ZBP1: variants seen among roughly 807,000 people sequenced by gnomAD.
ZBP1 encodes Z-DNA binding protein 1.
ZBP1 carries 42 observed loss-of-function variants against 41.1 expected under a neutral mutation model. That is an observed-to-expected ratio of 1.02 (90% CI 0.80 to 1.32). The LOEUF is 1.32. Among genes scored for constraint, ZBP1 ranks in the 40% most tolerant of loss-of-function variants. The probability of loss-of-function intolerance (pLI) is 0.00; values close to 1 mark genes in which losing one functional copy is unlikely to be tolerated. For synonymous variants in ZBP1, 214 were observed against 205.2 expected (o/e 1.04, Z -0.37); for missense variants, 562 against 549.7 (o/e 1.02, Z -0.22).
intron 1 of ZBP1, among the ~76,000 whole-genome samples, chr20:57,619,999 G>A (rs2146605930): frequency 6.6e-6 from 1 of 152,274 alleles, no homozygotes; most frequent in South Asian, 2.1e-4. Context: ...ACCATGCCCG[G>A]TTAATTTTTG....
chr20:57,611,411 ATTTTTTT>A (rs3068061), intron 6 of ZBP1, among the ~76,000 whole-genome samples: 3 of 95,142 alleles, frequency 3.2e-5, no homozygotes, highest in Non-Finnish European at 3.9e-5. Flanking sequence ...TGCCCGGTTA[ATTTTTTT>A]TTTTTTTTTT....
At chr20:57,612,515 C>T (rs1220168808) in intron 5 of ZBP1, among the ~76,000 whole-genome samples, 1 of 152,098 alleles carries the variant, frequency 6.6e-6, no homozygotes, top group Non-Finnish European at 1.5e-5. Flanking sequence ...CTGAGGCTGA[C>T]AGTGGGGAAA....
Position 57,620,289 on chromosome 20 carries a change from G to T in ZBP1, c.7C>A (p.Gln3Lys). 1 of 1,597,556 alleles carries T rather than the reference G, an allele frequency of 6.3e-7. No individual in the cohort carries two copies. The highest frequency in any genetic ancestry group is 8.5e-7 in the Non-Finnish European group (1 of 1,171,722). MA[Q>K]APADPGREGH... ...TCTCTGCCCGGGTCAGCAGGAGCCT[G>T]GGCCATGCTGACAGCAGCTGCAAGG... The change falls in exon 1 of 8, where the codon CAG (glutamine) becomes AAG (lysine). Residue 3 changes from glutamine (Q) to lysine (K), a missense_variant. Gln to Lys is a moderately conservative substitution (Grantham distance 53). Coordinates refer to ENST00000371173, the MANE Select transcript of ZBP1 (RefSeq NM_030776.3).
chr20:57,609,450 T>A lies in ZBP1; in HGVS notation c.1093+699A>T, dbSNP rs571190493. Among the ~76,000 whole-genome samples, 14 of 152,202 alleles carry A rather than the reference T, an allele frequency of 9.2e-5. No homozygotes were observed. The East Asian group carries it at 2.3e-3, about 25-fold the overall frequency. ...CAGGCGGCACTTCCCAGACCCCCCG[T>A]GGCTAAGTGCAGGCCCTCAGAACAG... is the stretch of plus-strand genomic sequence containing the variant. On this transcript the variant is annotated intron_variant, in intron 7 of 7. Coordinates refer to ENST00000371173, the MANE Select transcript of ZBP1 (RefSeq NM_030776.3).
At chr20:57,606,656 G>C (rs2070505187) in intron 7 of ZBP1, among the ~76,000 whole-genome samples, 1 of 152,216 alleles carries the variant, frequency 6.6e-6, no homozygotes, top group Non-Finnish European at 1.5e-5. Context: ...TTCAGCTGAA[G>C]CCTCTCCTCA....
Position 57,612,058 on chromosome 20 carries a change from AGGCTCT to A in ZBP1, c.671-134_671-129del. 6 of 1,054,324 alleles carry A rather than the reference AGGCTCT, an allele frequency of 5.7e-6. 1 individual carries two copies. In the East Asian group the frequency reaches 1.6e-4, roughly 28 times the overall value. The allele number at this position is 1,054,324 out of a possible 1,614,324, so 65.3% of individuals were successfully genotyped here. On this transcript the variant is annotated intron_variant, in intron 5 of 7. Coordinates refer to ENST00000371173, the MANE Select transcript of ZBP1 (RefSeq NM_030776.3). ...CATCGAACTGGCGGCCAAAGACTTC[AGGCTCT>A]GGCTTAGAGAGCAAGAGGACCTGGC...
chr20:57,608,639 T>C (rs1038588706), intron 7 of ZBP1, among the ~76,000 whole-genome samples: 5 of 152,378 alleles, frequency 3.3e-5, no homozygotes, highest in African/African-American at 1.2e-4. Flanking sequence ...TGCTCCCAGA[T>C]GCTCATGGCC....
chr20:57,609,191 C>G (rs1420141360), intron 7 of ZBP1, among the ~76,000 whole-genome samples: 1 of 152,220 alleles, frequency 6.6e-6, no homozygotes, highest in African/African-American at 2.4e-5. Context: ...GTACACCTGC[C>G]CTGGCCCTCC....
At chr20:57,606,489 A>G (rs952525953) in intron 7 of ZBP1, among the ~76,000 whole-genome samples, 9 of 152,280 alleles carry the variant, frequency 5.9e-5, no homozygotes, top group Admixed American at 5.2e-4. Flanking sequence ...GAGCGTGACT[A>G]CACAACAGAG....
chr20:57,606,911 ATTT>A, intron 7 of ZBP1: 20 of 970,158 alleles, frequency 2.1e-5, no homozygotes, highest in Non-Finnish European at 2.6e-5. Flanking sequence ...CCAAAAAAAA[ATTT>A]TTTTTTTACT....
chr20:57,615,081 G>A (rs754801514), intron 3 of ZBP1, 21 bp from the exon 4 acceptor site: 13 of 1,613,888 alleles, frequency 8.1e-6, no homozygotes, highest in Non-Finnish European at 1.1e-5. Flanking sequence ...GGATGGCCAG[G>A]TGGTTAGGGA....
intron 2 of ZBP1, 36 bp from the exon 3 acceptor site, chr20:57,615,616 C>G (rs747450758): frequency 1.3e-6 from 2 of 1,587,824 alleles, no homozygotes; most frequent in South Asian, 1.1e-5. Flanking sequence ...GGGTGGGGGA[C>G]AGAAGACAGC....
Position 57,610,439 on chromosome 20 carries a change from C to T in ZBP1, c.875-72G>A. On this transcript the variant is annotated intron_variant, in intron 6 of 7. Coordinates refer to ENST00000371173, the MANE Select transcript of ZBP1 (RefSeq NM_030776.3). The surrounding 1 kb of genome is among the most constrained non-coding windows in gnomAD (Gnocchi z 5.5). ...GTGGCCGGGAACCCTGACCCCCAGC[C>T]TGGTTCACCCTCCTCCCCAGATCTC... 6.6e-7 allele frequency: 1 copy of T among 1,522,436 alleles called. No individual in the cohort carries two copies. The highest frequency in any genetic ancestry group is 9.1e-7 in the Non-Finnish European group (1 of 1,102,916). The allele number at this position is 1,522,436 out of a possible 1,614,324, so 94.3% of individuals were successfully genotyped here.
Position 57,613,202 on chromosome 20 carries a change from C to G in ZBP1, c.631G>C (p.Gly211Arg). 6.2e-7 allele frequency: 1 copy of G among 1,614,192 alleles called. No individual in the cohort carries two copies. Among genetic ancestry groups the G allele is most frequent in the Non-Finnish European group, 8.5e-7 (1 of 1,180,034 alleles). Residue 211 changes from glycine (G) to arginine (R), a missense_variant, in exon 5 of 8, where the codon GGG (glycine) becomes CGG (arginine). Gly to Arg is a moderately radical substitution (Grantham distance 125). Coordinates refer to ENST00000371173, the MANE Select transcript of ZBP1 (RefSeq NM_030776.3). This position sits in a 1 kb window ranked among gnomAD's most constrained non-coding sequence, Gnocchi z 4.5. ...ANSEAIQIGH[G>R]NIITRQTVSR... ...ACTGTCTGTCTTGTAATGATGTTCC[C>G]GTGTCCAATCTGGATGGCTTCGGAG...
rs756873108 is a variant in ZBP1 at position 57,611,716 on chromosome 20, A to T, written c.874+11T>A. On this transcript the variant is annotated intron_variant, in intron 6 of 7. Coordinates refer to ENST00000371173, the MANE Select transcript of ZBP1 (RefSeq NM_030776.3). ...TGGCAGAGTTGGGTCTGGCCTCTAG[A>T]TCCCAGTTACCTGGGGGGCTGCCAG... The T allele has an allele frequency of 1.9e-6, 3 of 1,603,654 alleles. No individual in the cohort carries two copies. In the Admixed American group the frequency reaches 5.1e-5, roughly 27 times the overall value.
chr20:57,609,988 C>T (rs189679144), intron 7 of ZBP1, among the ~76,000 whole-genome samples, 161 bp downstream of exon 7: 2 of 152,182 alleles, frequency 1.3e-5, no homozygotes, highest in African/African-American at 2.4e-5. Flanking sequence ...GGAGCCTCCA[C>T]GCTGACTCTA....
intron 1 of ZBP1, 146 bp downstream of exon 1, chr20:57,620,116 G>A (rs745907057): frequency 1.5e-4 from 149 of 984,316 alleles, no homozygotes; most frequent in Admixed American, 6.3e-4. Context: ...GATTACAGGC[G>A]TGAGCCACCA....
rs113442208 is a variant in ZBP1 at position 57,615,948 on chromosome 20, C to A, written c.259+296G>T. ...ATATGTTCTGTGATTGGGACCATGG[C>A]GTCATTGCTGTCTCCATCATGATGA... On this transcript the variant is annotated intron_variant, in intron 2 of 7. Transcript: ENST00000371173. The A allele has an allele frequency of 4.5e-3, 2,442 of 547,176 alleles. 34 individuals carry two copies. The highest frequency in any genetic ancestry group is 0.04 in the African/African-American group (2,101 of 52,954). The allele number at this position is 547,176 out of a possible 1,614,324, so 33.9% of individuals were successfully genotyped here. A position where few individuals can be genotyped will look rare whatever the true frequency, so the allele number is the denominator to read the frequency against.
Position 57,610,348 on chromosome 20 carries a change from G to A in ZBP1, c.894C>T (p.Gly298=), listed in dbSNP as rs1029568014. The part of the protein sequence containing the change: ...GSPPVSATAA[G]PEASFEARIP... ...TTCTTGCTTCAAACGAAGCTTCTGGGCCGGCAGCAGTGGCAGAGACTGTGG... is the reference window on the plus strand; with the variant it reads ...TTCTTGCTTCAAACGAAGCTTCTGGACCGGCAGCAGTGGCAGAGACTGTGG... The change falls in exon 7 of 8, where the codon GGC becomes GGT. Residue 298 remains glycine, a synonymous_variant. Transcript: ENST00000371173. The surrounding 1 kb of genome is among the most constrained non-coding windows in gnomAD (Gnocchi z 5.5). 2 of 1,614,194 alleles carry A rather than the reference G, an allele frequency of 1.2e-6. No homozygotes were observed. The highest frequency in any genetic ancestry group is 1.7e-6 in the Non-Finnish European group (2 of 1,180,028).
Sources: gnomAD v4.1 joint callset for allele counts (sites outside exome capture counted in the v4.1 genomes callset) on GRCh38, gnomAD v4.1.1 for gene constraint, Gnocchi (gnomAD v3.1) non-coding constraint, MANE v1.5 for transcripts, NCBI Gene and HGNC (gene_info 2026-07-23, HGNC 2026-07-21) for gene names.